The following TOR3A variants were observed in gnomAD, a reference collection of about 807,000 sequenced individuals.
The protein encoded by TOR3A is torsin family 3 member A, also known as torsin-3A.
In TOR3A, 44 loss-of-function variants were observed where a neutral mutation model predicts 42.1. The ratio of observed to expected loss-of-function variants is 1.04; its 90% confidence interval spans 0.82 to 1.34. TOR3A has a LOEUF of 1.34. TOR3A is among the 40% of genes most tolerant of loss of function. The pLI is 0.00. For synonymous variants in TOR3A, 227 were observed against 213.2 expected, an observed-to-expected ratio of 1.06 and a Z score of -0.57; for missense variants, 521 against 507.6, an observed-to-expected ratio of 1.03 and a Z score of -0.25.
At position 179,089,564 on chromosome 1, in the gene TOR3A, C is replaced by T. The variant is rs151184841; in HGVS notation, c.818+1475C>T. On this transcript the variant is annotated intron_variant, in intron 4 of 5. Transcript: ENST00000367627. ...TTCTTCCAGTTAGTTCTTATTCCCA[C>T]GTTCTGTACTATTTCCCACCTTCGG... Among the ~76,000 whole-genome samples the T allele has an allele frequency of 2.3e-4, 35 of 152,314 alleles. No homozygotes were observed. The East Asian group carries it at 6.2e-3, about 27-fold the overall frequency.
At chr1:179,094,907 CT>C in intron 5 of TOR3A, 60 bp from the exon 6 acceptor site, 1 of 1,562,470 alleles carries the variant, frequency 6.4e-7, no homozygotes, top group Non-Finnish European at 8.8e-7. Context: ...CCCACCCCCG[CT>C]AAATTCCAGC....
chr1:179,093,160 G>A lies in TOR3A; in HGVS notation c.819-933G>A, dbSNP rs190181593. On this transcript the variant is annotated intron_variant, in intron 4 of 5. Coordinates refer to ENST00000367627, the MANE Select transcript of TOR3A (RefSeq NM_022371.4). ...GAAGTATGCCTGGGCCGTGGAGGGC[G>A]GAGGAAGGCCAAGTCTCCACTACCT... Among the ~76,000 whole-genome samples the A allele has an allele frequency of 4.4e-4, 67 of 152,236 alleles. 1 individual carries two copies. The East Asian group carries it at 5.4e-3, about 12-fold the overall frequency.
chr1:179,087,970 C>A lies in TOR3A; in HGVS notation c.699C>A (p.Ile233=), dbSNP rs12061876. The A allele has an allele frequency of 2.6e-3, 4,148 of 1,612,872 alleles. 108 individuals are homozygous for A. In the African/African-American group the frequency reaches 0.049, roughly 19 times the overall value. The change falls in exon 4 of 6, where the codon ATC becomes ATA. Residue 233 remains isoleucine, a synonymous_variant. Coordinates refer to ENST00000367627, the MANE Select transcript of TOR3A (RefSeq NM_022371.4). ...TQQLCHQTLF[I]FDEAEKLHPG... ...AGCTCTGCCACCAGACCCTGTTCAT[C>A]TTCGATGAAGCGGAGAAGCTGCACC... is the stretch of plus-strand genomic sequence containing the variant.
chr1:179,093,909 C>T (rs1225218063), intron 4 of TOR3A, among the ~76,000 whole-genome samples, 184 bp from the exon 5 acceptor site: 1 of 152,178 alleles, frequency 6.6e-6, no homozygotes, highest in Non-Finnish European at 1.5e-5. Context: ...CAAAACTGGA[C>T]AGTGTCTTTT....
intron 3 of TOR3A, among the ~76,000 whole-genome samples, chr1:179,087,632 C>G (rs1398860228): frequency 6.6e-6 from 1 of 152,172 alleles, no homozygotes; most frequent in East Asian, 1.9e-4. Context: ...AGAAGGGCTT[C>G]TCCCCACTCC....
At position 179,095,235 on chromosome 1, in the gene TOR3A, T is replaced by C. The variant is rs749993427; in HGVS notation, c.*17T>C. 34 of 1,612,888 alleles carry C rather than the reference T, an allele frequency of 2.1e-5. No individual in the cohort carries two copies. In the Admixed American group the frequency reaches 4.8e-4, roughly 23 times the overall value. The stretch of plus-strand genomic sequence containing the variant: ...CTGTCATGAAGGCTAGAGGAAGACT[T>C]CCTGGAACTGCCTTTCTTCCACTAA... On this transcript the variant is annotated 3_prime_UTR_variant, in exon 6 of 6. Transcript: ENST00000367627.
Position 179,082,103 on chromosome 1 carries a change from G to A in TOR3A, c.-26G>A, listed in dbSNP as rs1438735906. 3 of 1,445,570 alleles carry A rather than the reference G, an allele frequency of 2.1e-6. No individual in the cohort carries two copies. The highest frequency in any genetic ancestry group is 2.7e-6 in the Non-Finnish European group (3 of 1,112,250). 89.5% of individuals were successfully genotyped at this position (1,445,570 alleles called of 1,614,324 possible). ...GGGAGCCTGGCTAGGCCGGCAGCCG[G>A]ATGGTCCCGCAGCTCGGGGCCGGCC... On this transcript the variant is annotated 5_prime_UTR_variant, in exon 1 of 6. Transcript: ENST00000367627.
At chr1:179,084,999 C>T (rs1407695997) in intron 2 of TOR3A, among the ~76,000 whole-genome samples, 1 of 152,226 alleles carries the variant, frequency 6.6e-6, no homozygotes, top group Non-Finnish European at 1.5e-5. Context: ...GGGATGGGAG[C>T]AGCCTCAGGA....
chr1:179,083,275 G>C (rs1206720346), intron 2 of TOR3A, among the ~76,000 whole-genome samples: 1 of 152,142 alleles, frequency 6.6e-6, no homozygotes, highest in East Asian at 1.9e-4. Flanking sequence ...TGAGCTGTTT[G>C]TCAGGCCCAG....
Position 179,087,900 on chromosome 1 carries a change from A to G in TOR3A, c.640-11A>G, listed in dbSNP as rs1652475401. 1 of 1,562,744 alleles carries G rather than the reference A, an allele frequency of 6.4e-7. No homozygotes were observed. The highest frequency in any genetic ancestry group is 8.6e-7 in the Non-Finnish European group (1 of 1,156,084). ...CACCACTTCCCCAGCTGCTCCCTAT[A>G]TCCCGTGCAGGAGCAGCTGATGAGC... On this transcript the variant is annotated splice_polypyrimidine_tract_variant and intron_variant, in intron 3 of 5. Coordinates refer to ENST00000367627, the MANE Select transcript of TOR3A (RefSeq NM_022371.4).
In TOR3A at chr1:179,082,978, C is replaced by A; in HGVS notation, c.298C>A (p.Leu100Ile). Residue 100 changes from leucine to isoleucine, a missense_variant, in exon 2 of 6, where the codon CTC (leucine) becomes ATC (isoleucine). Transcript: ENST00000367627. ...LPLLGQRYLDLLTTWYCSFKD... is the reference protein window; with the variant it reads ...LPLLGQRYLDILTTWYCSFKD... ...TCTGTTGGGCCAGCGGTACCTGGAC[C>A]TCCTGACCACGTGGTACTGCAGCTT... The A allele has an allele frequency of 6.3e-7, 1 of 1,590,062 alleles. No individual in the cohort carries two copies. The highest frequency in any genetic ancestry group is 1.8e-5 in the Admixed American group (1 of 56,054).
At chr1:179,089,337 AG>A (rs1369247084) in intron 4 of TOR3A, among the ~76,000 whole-genome samples, 8 of 144,788 alleles carry the variant, frequency 5.5e-5, no homozygotes, top group African/African-American at 2.1e-4. Context: ...AAAAAAAAAA[AG>A]TGAAACAGGT....
intron 1 of TOR3A, chr1:179,082,593 AC>A: frequency 4.0e-6 from 3 of 743,270 alleles, no homozygotes; most frequent in Non-Finnish European, 6.6e-6. Flanking sequence ...TCCCCTGCGC[AC>A]CCCCCTGGCG....
At chr1:179,093,417 C>T (rs1355171452) in intron 4 of TOR3A, among the ~76,000 whole-genome samples, 1 of 152,208 alleles carries the variant, frequency 6.6e-6, no homozygotes, top group African/African-American at 2.4e-5. Context: ...AGGGGGACAG[C>T]AAGCAGCTTG....
intron 5 of TOR3A, 70 bp downstream of exon 5, chr1:179,094,287 G>A: frequency 6.5e-7 from 1 of 1,544,708 alleles, no homozygotes; most frequent in East Asian, 2.3e-5. Context: ...TTGTTGGAAT[G>A]TGTGTTTATG....
In TOR3A at chr1:179,084,478, C is replaced by A. The variant is rs934860469; in HGVS notation, c.374-1150C>A. 3.3e-5 allele frequency among the ~76,000 whole-genome samples: 5 copies of A among 152,286 alleles called. No individual in the cohort carries two copies. The South Asian group carries it at 1.0e-3, about 32-fold the overall frequency. On this transcript the variant is annotated intron_variant, in intron 2 of 5. Coordinates refer to ENST00000367627, the MANE Select transcript of TOR3A (RefSeq NM_022371.4). ...TGACCTCGTGATCCGCCCGCCTCAG[C>A]CTCCCCAAGTGCTGGGATTACAGGC... is the stretch of plus-strand genomic sequence containing the variant.
chr1:179,095,411 T>A lies in TOR3A; in HGVS notation c.*193T>A. 1.3e-5 allele frequency: 18 copies of A among 1,376,024 alleles called. No homozygotes were observed. The highest frequency in any genetic ancestry group is 7.3e-5 in the South Asian group (4 of 54,706). The allele number at this position is 1,376,024 out of a possible 1,614,324, so 85.2% of individuals were successfully genotyped here. On this transcript the variant is annotated 3_prime_UTR_variant, in exon 6 of 6. Coordinates refer to ENST00000367627, the MANE Select transcript of TOR3A (RefSeq NM_022371.4). ...GCCAAGCCAATCCTTTTTCTTTTTTTTGGAGGTCCCACCGAGATAGATAGG... is the reference window on the plus strand; with the variant it reads ...GCCAAGCCAATCCTTTTTCTTTTTTATGGAGGTCCCACCGAGATAGATAGG...
At chr1:179,094,898 C>T (rs1652690983) in intron 5 of TOR3A, 70 bp from the exon 6 acceptor site, 5 of 1,495,468 alleles carry the variant, frequency 3.3e-6, no homozygotes, top group African/African-American at 1.4e-5. Flanking sequence ...ACAGCAACCC[C>T]CACCCCCGCT....
chr1:179,090,243 C>T (rs1052784843), intron 4 of TOR3A, among the ~76,000 whole-genome samples: 1 of 152,234 alleles, frequency 6.6e-6, no homozygotes, highest in African/African-American at 2.4e-5. Context: ...GTTCTAGTGG[C>T]TCTGGTGTGG....
Sources: allele counts gnomAD v4.1 joint callset (sites outside exome capture counted in the v4.1 genomes callset), GRCh38; gene constraint gnomAD v4.1.1; transcripts MANE v1.5; gene names NCBI Gene and HGNC (gene_info 2026-07-23, HGNC 2026-07-21).